PXDNL: variants seen among roughly 807,000 people sequenced by gnomAD.
The protein encoded by PXDNL is probable oxidoreductase PXDNL.
PXDNL carries 145 observed loss-of-function variants against 150.8 expected under a neutral mutation model. The ratio of observed to expected loss-of-function variants is 0.96; its 90% CI spans 0.84 to 1.10. The LOEUF is 1.10. PXDNL is among the 50% of genes least tolerant of loss of function. The probability of loss-of-function intolerance (pLI) is 0.00; values close to 1 mark genes in which losing one functional copy is unlikely to be tolerated. For missense variants in PXDNL, 2,087 were observed against 1,873.9 expected, an observed-to-expected ratio of 1.11 and a Z score of -2.10; for synonymous variants, 757 against 725.7, an observed-to-expected ratio of 1.04 and a Z score of -0.69.
chr8:51,378,100 T>C (rs1390279384), intron 17 of PXDNL, among the ~76,000 whole-genome samples: 1 of 152,188 alleles, frequency 6.6e-6, no homozygotes, highest in Non-Finnish European at 1.5e-5. Flanking sequence ...ACTCTGTATC[T>C]AGCTAATCTG....
At chr8:51,484,967 T>A (rs1316009028) in intron 5 of PXDNL, among the ~76,000 whole-genome samples, 1 of 152,254 alleles carries the variant, frequency 6.6e-6, no homozygotes, top group Non-Finnish European at 1.5e-5. Flanking sequence ...ACCAGTTTTC[T>A]TAAGACTCAA....
chr8:51,671,188 A>T (rs56078883), intron 1 of PXDNL, among the ~76,000 whole-genome samples: 2,115 of 152,352 alleles, frequency 0.014, 30 homozygotes, highest in South Asian at 0.045. Flanking sequence ...GTATATCCTT[A>T]TTTGGAAGAG....
At chr8:51,378,027 G>A (rs900956781) in intron 17 of PXDNL, among the ~76,000 whole-genome samples, 2 of 152,242 alleles carry the variant, frequency 1.3e-5, no homozygotes, top group African/African-American at 4.8e-5. Flanking sequence ...CTAGCTAAGG[G>A]ATTGTAAATA....
At chr8:51,344,334 G>C (rs1806079956) in intron 20 of PXDNL, among the ~76,000 whole-genome samples, 2 of 151,798 alleles carry the variant, frequency 1.3e-5, no homozygotes, top group African/African-American at 4.8e-5. Context: ...GGCCCAGGCT[G>C]GTCTTGAACT....
At chr8:51,761,025 A>ATTTTTTTTT (rs71237238) in intron 1 of PXDNL, among the ~76,000 whole-genome samples, 77 of 114,402 alleles carry the variant, frequency 6.7e-4, no homozygotes, top group East Asian at 9.6e-4. Context: ...CGCCCGGCTA[A>ATTTTTTTTT]TTTTTTTTTT....
chr8:51,795,623 A>T (rs140034233), intron 1 of PXDNL, among the ~76,000 whole-genome samples: 1 of 152,208 alleles, frequency 6.6e-6, no homozygotes, highest in Non-Finnish European at 1.5e-5. Flanking sequence ...AATGTACCAC[A>T]ATCTCTGGGA....
At chr8:51,606,702 A>G (rs1255046886) in intron 2 of PXDNL, among the ~76,000 whole-genome samples, 1 of 151,986 alleles carries the variant, frequency 6.6e-6, no homozygotes, top group East Asian at 1.9e-4. Flanking sequence ...GATTTTTATG[A>G]TATATCTTTA....
At chr8:51,540,879 T>C (rs1401890880) in intron 4 of PXDNL, among the ~76,000 whole-genome samples, 1 of 152,224 alleles carries the variant, frequency 6.6e-6, no homozygotes, top group Admixed American at 6.5e-5. Context: ...TTGTATGATG[T>C]GCTTGCCTGG....
intron 1 of PXDNL, among the ~76,000 whole-genome samples, chr8:51,720,931 G>A (rs78195575): frequency 0.037 from 5,704 of 152,264 alleles, 343 homozygotes; most frequent in African/African-American, 0.12. Flanking sequence ...ACAGACGCTC[G>A]ATCGCATGCA....
chr8:51,411,431 T>C (rs776034248), intron 15 of PXDNL, 24 bp from the exon 16 acceptor site: 1 of 1,551,624 alleles, frequency 6.4e-7, no homozygotes, highest in Non-Finnish European at 8.6e-7. Context: ...AACACATGAT[T>C]CTTTACAAGG....
intron 14 of PXDNL, among the ~76,000 whole-genome samples, chr8:51,414,372 A>T (rs1182575328): frequency 6.6e-6 from 1 of 151,958 alleles, no homozygotes; most frequent in East Asian, 1.9e-4. Flanking sequence ...TGTCTTAAAA[A>T]GACCACCAAC....
chr8:51,618,497 T>C (rs1339491208), intron 2 of PXDNL, among the ~76,000 whole-genome samples: 2 of 152,240 alleles, frequency 1.3e-5, no homozygotes, highest in Non-Finnish European at 2.9e-5. Flanking sequence ...TCCAGCTACC[T>C]GCTGCATGGT....
intron 17 of PXDNL, among the ~76,000 whole-genome samples, chr8:51,388,387 G>A (rs991717434): frequency 2.0e-4 from 30 of 151,822 alleles, no homozygotes; most frequent in Admixed American, 1.7e-3. Context: ...ATTAACTTTC[G>A]CTTTTCTATT....
intron 19 of PXDNL, among the ~76,000 whole-genome samples, chr8:51,356,302 AACAT>A: frequency 6.6e-6 from 1 of 152,270 alleles, no homozygotes; most frequent in East Asian, 1.9e-4. Context: ...CAGCCTGGCC[AACAT>A]GGTGAAACCC....
rs139549034 is a variant in PXDNL, at chr8:51,363,227, C to A, written c.3901+8646G>T. Among the ~76,000 whole-genome samples the A allele has an allele frequency of 9.5e-3, 1,441 of 152,244 alleles. 22 individuals are homozygous for A. Among genetic ancestry groups the A allele is most frequent in the African/African-American group, 0.033 (1,368 of 41,526 alleles). Reference sequence around the variant, plus strand: ...TTAGACAAGCACTGCCCTTCATAGTCCTCCTGGGTGCCACGTGGCTAAATG... The same window carrying A: ...TTAGACAAGCACTGCCCTTCATAGTACTCCTGGGTGCCACGTGGCTAAATG... On this transcript the variant is annotated intron_variant, in intron 19 of 22. Coordinates refer to ENST00000356297, the MANE Select transcript of PXDNL (RefSeq NM_144651.5).
intron 10 of PXDNL, among the ~76,000 whole-genome samples, 156 bp downstream of exon 10, chr8:51,453,363 T>A: frequency 6.6e-6 from 1 of 152,236 alleles, no homozygotes; most frequent in East Asian, 1.9e-4. Flanking sequence ...AACTTTTAAC[T>A]TGAAACAGAT....
At chr8:51,598,929 A>G (rs963941850) in intron 2 of PXDNL, among the ~76,000 whole-genome samples, 1 of 152,102 alleles carries the variant, frequency 6.6e-6, no homozygotes, top group Non-Finnish European at 1.5e-5. Flanking sequence ...ATATTGGCCC[A>G]TCCAGTATTT....
At chr8:51,497,527 T>C (rs1018323790) in intron 5 of PXDNL, among the ~76,000 whole-genome samples, 1 of 152,112 alleles carries the variant, frequency 6.6e-6, no homozygotes, top group Non-Finnish European at 1.5e-5. Context: ...ATTTTTGCAA[T>C]CTACTCATCT....
intron 2 of PXDNL, among the ~76,000 whole-genome samples, chr8:51,634,541 C>G (rs1209701952): frequency 6.6e-6 from 1 of 152,032 alleles, no homozygotes; most frequent in Non-Finnish European, 1.5e-5. Context: ...TTGATAGGAA[C>G]AGTGCTGAAT....
Sources: allele counts gnomAD v4.1 joint callset (sites outside exome capture counted in the v4.1 genomes callset), GRCh38; gene constraint gnomAD v4.1.1; transcripts MANE v1.5; gene names NCBI Gene and HGNC (gene_info 2026-07-23, HGNC 2026-07-21).